CNTN5: variants seen among roughly 807,000 people sequenced by gnomAD.
The protein encoded by CNTN5 is contactin 5, also known as contactin-5.
Under a neutral mutation model 129.1 loss-of-function variants are expected in CNTN5, and 77 were observed. The ratio of observed to expected loss-of-function variants is 0.60; its 90% CI spans 0.50 to 0.72. The LOEUF (loss-of-function observed/expected upper bound fraction) is 0.72. Among genes scored for constraint, CNTN5 ranks in the 30% least tolerant of loss-of-function variants. CNTN5 has a pLI of 0.00. For synonymous variants in CNTN5, 509 were observed against 465.6 expected, an observed-to-expected ratio of 1.09 and a Z score of -1.20; for missense variants, 1,478 against 1,328.8, an observed-to-expected ratio of 1.11 and a Z score of -1.75.
chr11:99,973,990 C>T (rs1307082466), intron 8 of CNTN5, among the ~76,000 whole-genome samples: 1 of 152,108 alleles, frequency 6.6e-6, no homozygotes, highest in Non-Finnish European at 1.5e-5. Context: ...ATAATCCTGC[C>T]ATTATTCAAA....
chr11:99,757,924 C>T lies in CNTN5; in HGVS notation c.56-61620C>T, dbSNP rs181091475. Among the ~76,000 whole-genome samples the T allele has an allele frequency of 6.6e-5, 10 of 152,094 alleles. No homozygotes were observed. In the East Asian group the frequency reaches 1.9e-3, roughly 29 times the overall value. On this transcript the variant is annotated intron_variant, in intron 3 of 24. Transcript: ENST00000524871. ...GCACAGAAGGTTCTAAAAATAGTAA[C>T]TGTTATTATTTTATGATTATTATAC... is the stretch of plus-strand genomic sequence containing the variant.
intron 2 of CNTN5, among the ~76,000 whole-genome samples, chr11:99,528,165 G>GA (rs1947559704): frequency 6.6e-6 from 1 of 151,932 alleles, no homozygotes; most frequent in Admixed American, 6.6e-5. Flanking sequence ...TATAATGCTG[G>GA]AAAAAATAAT....
chr11:100,249,002 T>C (rs544085824), intron 16 of CNTN5, among the ~76,000 whole-genome samples: 1 of 152,320 alleles, frequency 6.6e-6, no homozygotes, highest in African/African-American at 2.4e-5. Context: ...GAAGACTCTT[T>C]TTGCCTCTGT....
chr11:99,123,227 A>C (rs1438593526), intron 1 of CNTN5, among the ~76,000 whole-genome samples: 1 of 151,484 alleles, frequency 6.6e-6, no homozygotes, highest in South Asian at 2.1e-4. Flanking sequence ...TTCACTTTTT[A>C]ATAACGGTCA....
chr11:100,107,012 C>T (rs1757605142), intron 13 of CNTN5, among the ~76,000 whole-genome samples: 1 of 152,160 alleles, frequency 6.6e-6, no homozygotes, highest in Non-Finnish European at 1.5e-5. Flanking sequence ...TAACTACAGT[C>T]ATACCTATTT....
rs139347727 is a variant in CNTN5, at chr11:100,275,705, T to C, written c.2314+4464T>C. On this transcript the variant is annotated intron_variant, in intron 18 of 24. Transcript: ENST00000524871. ...TGTCTCTATTTTATCATGAGTTCTA[T>C]ATACATGACATACTTTAGTCCATTA... Among the ~76,000 whole-genome samples, 864 of 152,342 alleles carry C rather than the reference T, an allele frequency of 5.7e-3. 11 individuals are homozygous for C. The highest frequency in any genetic ancestry group is 0.019 in the African/African-American group (809 of 41,576).
intron 1 of CNTN5, among the ~76,000 whole-genome samples, chr11:99,026,131 C>A (rs1863097535): frequency 6.6e-6 from 1 of 151,474 alleles, no homozygotes; most frequent in African/African-American, 2.4e-5. Context: ...TCTAAAAATA[C>A]ATTTTTATTT....
intron 6 of CNTN5, among the ~76,000 whole-genome samples, chr11:99,879,571 G>C (rs989861565): frequency 6.6e-6 from 1 of 152,052 alleles, no homozygotes; most frequent in Non-Finnish European, 1.5e-5. Context: ...ATCATACCTA[G>C]TGCGAACTGT....
chr11:99,232,216 A>G lies in CNTN5; in HGVS notation c.-209-93130A>G, dbSNP rs1315515437. ...TCAATGGTCGTTTAATGGGAATCGC[A>G]CTGAATCTATAAATTATTTTGGGCT... is the stretch of plus-strand genomic sequence containing the variant. On this transcript the variant is annotated intron_variant, in intron 1 of 24. Transcript: ENST00000524871. Among the ~76,000 whole-genome samples the G allele has an allele frequency of 6.6e-5, 10 of 152,240 alleles. No homozygotes were observed. In the East Asian group the frequency reaches 1.9e-3, roughly 29 times the overall value.
At chr11:99,464,298 T>G (rs2135248304) in intron 2 of CNTN5, among the ~76,000 whole-genome samples, 1 of 152,342 alleles carries the variant, frequency 6.6e-6, no homozygotes, top group South Asian at 2.1e-4. Context: ...GAATTGGGGA[T>G]AAATGAGCAC....
At chr11:100,337,053 C>A (rs1952052916) in intron 21 of CNTN5, 7 of 1,107,762 alleles carry the variant, frequency 6.3e-6, no homozygotes, top group Non-Finnish European at 9.7e-6. Context: ...TCAAAATTGG[C>A]AATGCTGAGA....
In CNTN5 at chr11:99,939,419, C is replaced by G. The variant is rs1051006332; in HGVS notation, c.674-17387C>G. ...TCAAAATGATTGAGTAAAAAGAAGT[C>G]AGTTTAATGCATTGATTCAGAATTC... is the stretch of plus-strand genomic sequence containing the variant. On this transcript the variant is annotated intron_variant, in intron 7 of 24. Transcript: ENST00000524871. Among the ~76,000 whole-genome samples, 3 of 152,042 alleles carry G rather than the reference C, an allele frequency of 2.0e-5. No homozygotes were observed. In the South Asian group the frequency reaches 6.2e-4, roughly 32 times the overall value.
chr11:100,188,211 C>T (rs960952707), intron 13 of CNTN5, among the ~76,000 whole-genome samples: 8 of 152,030 alleles, frequency 5.3e-5, no homozygotes, highest in South Asian at 4.2e-4. Context: ...TGGGAGGCCA[C>T]GGTGGGCAAA....
In CNTN5 at chr11:99,876,851, C is replaced by T. The variant is rs116585242; in HGVS notation, c.577+31589C>T. The stretch of plus-strand genomic sequence containing the variant: ...GAGAGAATATGATTGAACTCCATCA[C>T]CTTATTGCTATACTAAATGATAAAT... On this transcript the variant is annotated intron_variant, in intron 6 of 24. Coordinates refer to ENST00000524871, the MANE Select transcript of CNTN5 (RefSeq NM_014361.4). Among the ~76,000 whole-genome samples, 903 of 152,194 alleles carry T rather than the reference C, an allele frequency of 5.9e-3. 13 individuals carry two copies. The highest frequency in any genetic ancestry group is 0.02 in the African/African-American group (851 of 41,524).
chr11:100,235,806 A>G (rs1949601628), intron 16 of CNTN5, among the ~76,000 whole-genome samples: 1 of 152,186 alleles, frequency 6.6e-6, no homozygotes, highest in East Asian at 1.9e-4. Context: ...CGAACTTGGA[A>G]ATCCCCAGTG....
At chr11:100,016,080 C>T (rs1258858871) in intron 9 of CNTN5, among the ~76,000 whole-genome samples, 1 of 152,008 alleles carries the variant, frequency 6.6e-6, no homozygotes, top group Admixed American at 6.6e-5. Context: ...ATGCTTTTAA[C>T]AGGCAGAACA....
chr11:99,678,185 CAA>C (rs968779855), intron 3 of CNTN5, among the ~76,000 whole-genome samples: 3 of 152,016 alleles, frequency 2.0e-5, no homozygotes, highest in African/African-American at 7.2e-5. Context: ...GTGGTTCCCT[CAA>C]TATTCAGCGA....
intron 3 of CNTN5, among the ~76,000 whole-genome samples, chr11:99,572,309 C>T (rs1391948858): frequency 2.0e-5 from 3 of 152,098 alleles, no homozygotes; most frequent in African/African-American, 4.8e-5. Flanking sequence ...TAAAAAAAAT[C>T]GTATTATGTT....
At chr11:99,972,239 C>T (rs1208754219) in intron 8 of CNTN5, among the ~76,000 whole-genome samples, 1 of 151,578 alleles carries the variant, frequency 6.6e-6, no homozygotes, top group Admixed American at 6.6e-5. Context: ...CCAGCCTGGG[C>T]GACAGGGCGA....
Sources: gnomAD v4.1 joint callset for allele counts (sites outside exome capture counted in the v4.1 genomes callset) on GRCh38, gnomAD v4.1.1 for gene constraint, MANE v1.5 for transcripts, NCBI Gene and HGNC (gene_info 2026-07-23, HGNC 2026-07-21) for gene names.